The following EGLN3 variants were observed in gnomAD, a reference collection of about 807,000 sequenced individuals.
EGLN3 encodes the protein prolyl hydroxylase EGLN3.
EGLN3 carries 15 observed loss-of-function variants against 26.0 expected under a neutral mutation model. That is an observed-to-expected ratio of 0.58 (90% CI 0.39 to 0.89). The LOEUF (loss-of-function observed/expected upper bound fraction) is 0.89, where lower values mean the gene tolerates loss of function less well. EGLN3 is among the 40% of genes least tolerant of loss of function. The probability of loss-of-function intolerance (pLI) is 0.00; values close to 1 mark genes in which losing one functional copy is unlikely to be tolerated. For missense variants in EGLN3, 238 were observed against 311.6 expected, an observed-to-expected ratio of 0.76 and a Z score of 1.78; for synonymous variants, 147 against 127.2, an observed-to-expected ratio of 1.16 and a Z score of -1.05.
intron 1 of EGLN3, among the ~76,000 whole-genome samples, chr14:33,940,470 A>G (rs1274119720): frequency 6.6e-6 from 1 of 152,134 alleles, no homozygotes; most frequent in Non-Finnish European, 1.5e-5. Flanking sequence ...CTGTAGGAAG[A>G]TACGCCACCA....
chr14:33,926,025 C>T (rs2064360229), intron 4 of EGLN3, 103 bp from the exon 5 acceptor site: 2 of 1,090,902 alleles, frequency 1.8e-6, no homozygotes, highest in African/African-American at 3.1e-5. Context: ...CACTTCCCAT[C>T]TTATATAAGC....
Position 33,950,535 on chromosome 14 carries a change from A to T in EGLN3, c.218T>A (p.Leu73Gln). ...GPRAGVSKRH[L>Q]RGDQITWIGG... ...GATCCACGTGATCTGGTCGCCCCGCAGGTGTCGCTTGGAGACGCCGGCGCG... is the reference window on the plus strand; with the variant it reads ...GATCCACGTGATCTGGTCGCCCCGCTGGTGTCGCTTGGAGACGCCGGCGCG... The change falls in exon 1 of 5, where the codon CTG (leucine) becomes CAG (glutamine). Residue 73 changes from leucine to glutamine, a missense_variant. Leu to Gln is a moderately radical substitution (Grantham distance 113, BLOSUM62 -2). Coordinates refer to ENST00000250457, the MANE Select transcript of EGLN3 (RefSeq NM_022073.4). 1 of 1,613,374 alleles carries T rather than the reference A, an allele frequency of 6.2e-7. No homozygotes were observed. The highest frequency in any genetic ancestry group is 1.1e-5 in the South Asian group (1 of 91,074).
intron 1 of EGLN3, among the ~76,000 whole-genome samples, chr14:33,931,908 C>A (rs2064407298): frequency 6.6e-6 from 1 of 152,188 alleles, no homozygotes; most frequent in Non-Finnish European, 1.5e-5. Context: ...TTCTCTTTGT[C>A]TAAGTGCTAC....
intron 1 of EGLN3, among the ~76,000 whole-genome samples, chr14:33,940,037 T>TA (rs780865052): frequency 7.2e-5 from 11 of 152,236 alleles, no homozygotes; most frequent in Non-Finnish European, 1.5e-4. Flanking sequence ...AGAATTTTTT[T>TA]AAAAGAGTGT....
chr14:33,927,834 A>C (rs1267614227), intron 3 of EGLN3, among the ~76,000 whole-genome samples: 1 of 152,210 alleles, frequency 6.6e-6, no homozygotes, highest in Non-Finnish European at 1.5e-5. Flanking sequence ...AGTTTTGGAC[A>C]TTGAGGCAAA....
At chr14:33,931,929 C>A (rs1327509005) in intron 1 of EGLN3, among the ~76,000 whole-genome samples, 3 of 152,148 alleles carry the variant, frequency 2.0e-5, no homozygotes, top group African/African-American at 7.2e-5. Flanking sequence ...CTGTATCAAC[C>A]AGGTGGAAGA....
At position 33,950,717 on chromosome 14, in the gene EGLN3, C is replaced by T; in HGVS notation, c.36G>A (p.Glu12=). The change falls in exon 1 of 5, where the codon GAG becomes GAA. Residue 12 remains glutamate (E), a synonymous_variant. Transcript: ENST00000250457. ...PLGHIMRLDL[E]KIALEYIVPC... ...GCACGATGTACTCCAGGGCAATTTT[C>T]TCCAGGTCCAGCCTCATGATGTGTC... The T allele has an allele frequency of 6.2e-7, 1 of 1,613,940 alleles. No individual in the cohort carries two copies. The highest frequency in any genetic ancestry group is 8.5e-7 in the Non-Finnish European group (1 of 1,179,914).
intron 3 of EGLN3, among the ~76,000 whole-genome samples, chr14:33,928,298 A>G (rs1378141473): frequency 1.3e-5 from 2 of 152,174 alleles, no homozygotes; most frequent in Non-Finnish European, 2.9e-5. Context: ...TAGGCTTGTT[A>G]GGGTTTAATC....
chr14:33,931,992 A>T (rs151199964), intron 1 of EGLN3, among the ~76,000 whole-genome samples: 48 of 152,370 alleles, frequency 3.2e-4, no homozygotes, highest in Non-Finnish European at 3.8e-4. Context: ...ATTAGAGTAA[A>T]CAGACCTCTA....
At chr14:33,931,816 T>G (rs1358739928) in intron 1 of EGLN3, among the ~76,000 whole-genome samples, 1 of 152,182 alleles carries the variant, frequency 6.6e-6, no homozygotes, top group Admixed American at 6.5e-5. Flanking sequence ...CACAGGGAGA[T>G]TCCTTTCAGG....
Position 33,926,977 on chromosome 14 carries a change from T to A in EGLN3, c.671A>T (p.Lys224Ile), listed in dbSNP as rs2064366368. 1.9e-6 allele frequency: 3 copies of A among 1,607,070 alleles called. No individual in the cohort carries two copies. Among genetic ancestry groups the A allele is most frequent in the Non-Finnish European group, 2.5e-6 (3 of 1,176,704 alleles). The change falls in exon 4 of 5, where the codon AAA becomes ATA. Residue 224 changes from lysine (K) to isoleucine (I), a missense_variant. Transcript: ENST00000250457. ...DAEERAEAKK[K>I]FRNLTRKTES... ...ACACATACTAGTTAAATTCCTGAATTTCTTTTTGGCTTCTGCCCTTTCTTC... is the reference window on the plus strand; with the variant it reads ...ACACATACTAGTTAAATTCCTGAATATCTTTTTGGCTTCTGCCCTTTCTTC...
At chr14:33,944,978 T>C (rs1345267570) in intron 1 of EGLN3, among the ~76,000 whole-genome samples, 13 of 152,206 alleles carry the variant, frequency 8.5e-5, no homozygotes, top group Non-Finnish European at 1.2e-4. Flanking sequence ...TTTCCAAATG[T>C]CATTCACAAA....
chr14:33,935,819 C>T (rs1345853122), intron 1 of EGLN3, among the ~76,000 whole-genome samples: 1 of 152,096 alleles, frequency 6.6e-6, no homozygotes, highest in Non-Finnish European at 1.5e-5. Flanking sequence ...CCTGACACCT[C>T]GCTCCATCAA....
At chr14:33,940,497 T>C (rs1409629074) in intron 1 of EGLN3, among the ~76,000 whole-genome samples, 1 of 152,144 alleles carries the variant, frequency 6.6e-6, no homozygotes, top group Non-Finnish European at 1.5e-5. Context: ...TCTAATCTCT[T>C]CTTAATGCAT....
At chr14:33,929,411 G>A (rs916667644) in intron 2 of EGLN3, among the ~76,000 whole-genome samples, 199 bp from the exon 3 acceptor site, 14 of 152,174 alleles carry the variant, frequency 9.2e-5, no homozygotes, top group Non-Finnish European at 1.6e-4. Flanking sequence ...GGAGTGCAAT[G>A]GCACGATCTC....
chr14:33,950,083 G>A, intron 1 of EGLN3: 1 of 589,728 alleles, frequency 1.7e-6, no homozygotes, highest in Non-Finnish European at 3.0e-6. Context: ...TCCCTCCTTT[G>A]GATCTTTGAG....
chr14:33,945,511 A>G (rs2064511685), intron 1 of EGLN3, among the ~76,000 whole-genome samples: 1 of 152,230 alleles, frequency 6.6e-6, no homozygotes, highest in Admixed American at 6.5e-5. Context: ...CTCATCTGCA[A>G]CTAAAGGCTG....
At position 33,929,039 on chromosome 14, in the gene EGLN3, C is replaced by T. The variant is rs749303684; in HGVS notation, c.614+37G>A. 14 of 1,607,968 alleles carry T rather than the reference C, an allele frequency of 8.7e-6. No individual in the cohort carries two copies. The Admixed American group carries it at 1.2e-4, about 13-fold the overall frequency. ...TTCTCTGGAACTAGGGTTTGTACAC[C>T]AAGCTCCGGAAGAGGAATCATGGCT... On this transcript the variant is annotated intron_variant, in intron 3 of 4. Coordinates refer to ENST00000250457, the MANE Select transcript of EGLN3 (RefSeq NM_022073.4).
At chr14:33,939,608 G>GA (rs1220217387) in intron 1 of EGLN3, among the ~76,000 whole-genome samples, 2 of 152,202 alleles carry the variant, frequency 1.3e-5, no homozygotes, top group African/African-American at 2.4e-5. Context: ...AGTTAGCGTA[G>GA]ATTAGAACTC....
Sources: allele counts gnomAD v4.1 joint callset (sites outside exome capture counted in the v4.1 genomes callset), GRCh38; gene constraint gnomAD v4.1.1; transcripts MANE v1.5; gene names NCBI Gene and HGNC (gene_info 2026-07-23, HGNC 2026-07-21).